Variants in RGS12 observed in about 807,000 individuals in gnomAD.
RGS12 encodes regulator of G protein signaling 12.
In RGS12, 66 loss-of-function variants were observed where a neutral mutation model predicts 120.1. That is an observed-to-expected ratio of 0.55 (90% CI 0.45 to 0.67). The LOEUF (loss-of-function observed/expected upper bound fraction) is 0.67. Ranked by LOEUF, RGS12 falls within the 30% of genes least tolerant of loss-of-function variation. The pLI is 0.00. For synonymous variants in RGS12, 827 were observed against 804.7 expected (o/e 1.03, Z -0.47); for missense variants, 1,859 against 1,957.7 (o/e 0.95, Z 0.95).
chr4:3,408,638 T>A (rs994473950), intron 4 of RGS12, among the ~76,000 whole-genome samples: 2 of 152,162 alleles, frequency 1.3e-5, no homozygotes, highest in African/African-American at 2.4e-5. Context: ...CTCAGGAGGG[T>A]CCACGTGCCC....
chr4:3,356,891 A>G (rs1714945856), intron 3 of RGS12, among the ~76,000 whole-genome samples: 1 of 152,130 alleles, frequency 6.6e-6, no homozygotes, highest in African/African-American at 2.4e-5. Flanking sequence ...CCTGCTTCCC[A>G]TTCTTTTGGG....
At chr4:3,308,498 G>T (rs916032645) in intron 1 of RGS12, among the ~76,000 whole-genome samples, 2 of 152,210 alleles carry the variant, frequency 1.3e-5, no homozygotes, top group Non-Finnish European at 2.9e-5. Flanking sequence ...TCCGCGGGCG[G>T]CTGGGGTGCG....
intron 4 of RGS12, among the ~76,000 whole-genome samples, chr4:3,411,038 C>T (rs1360211073): frequency 2.0e-5 from 3 of 152,302 alleles, no homozygotes; most frequent in South Asian, 2.1e-4. Context: ...CTCTGGGCTT[C>T]GTGTCTTCCT....
At position 3,374,406 on chromosome 4, in the gene RGS12, G is replaced by A. The variant is rs760898131; in HGVS notation, c.1999-12010G>A. 6.6e-6 allele frequency among the ~76,000 whole-genome samples: 1 copy of A among 152,112 alleles called. No homozygotes were observed. Among genetic ancestry groups the A allele is most frequent in the Non-Finnish European group, 1.5e-5 (1 of 68,006 alleles). ...CGCCACCACCTTCCACGACAGGCTC[G>A]ATTCGTCCCTCGCATGCTGCCCTCC... On this transcript the variant is annotated intron_variant, in intron 3 of 17. Coordinates refer to ENST00000336727, the MANE Select transcript of RGS12 (RefSeq NM_001394154.1). This position sits in a 1 kb window ranked among gnomAD's most constrained non-coding sequence, Gnocchi z 6.3.
intron 3 of RGS12, among the ~76,000 whole-genome samples, chr4:3,376,609 T>C (rs1717724504): frequency 6.6e-6 from 1 of 152,246 alleles, no homozygotes; most frequent in South Asian, 2.1e-4. Context: ...AGCACGGGCC[T>C]GGAGACATGC....
rs1231318017 is a variant in RGS12 at position 3,389,905 on chromosome 4, C to T, written c.2020+3468C>T. Among the ~76,000 whole-genome samples, 2 of 152,180 alleles carry T rather than the reference C, an allele frequency of 1.3e-5. No individual in the cohort carries two copies. The highest frequency in any genetic ancestry group is 1.9e-4 in the East Asian group (1 of 5,188). ...CCCGACACGTACTAGTCGCAGTCCT[C>T]CATCCCCATGTCCTCCTCATGCCTT... On this transcript the variant is annotated intron_variant, in intron 4 of 17. Transcript: ENST00000336727. This position sits in a 1 kb window ranked among gnomAD's most constrained non-coding sequence, Gnocchi z 5.2.
intron 2 of RGS12, among the ~76,000 whole-genome samples, chr4:3,331,488 A>T (rs995464721): frequency 1.3e-5 from 2 of 152,212 alleles, no homozygotes; most frequent in South Asian, 4.1e-4. Flanking sequence ...TTGGAAACAA[A>T]CTGTACTTAC....
intron 3 of RGS12, among the ~76,000 whole-genome samples, chr4:3,354,669 A>G (rs1023077159): frequency 1.3e-5 from 2 of 152,220 alleles, no homozygotes. Context: ...CGCAATCACA[A>G]TGGGAGCTAG....
At chr4:3,329,086 C>T (rs1236570930) in intron 2 of RGS12, among the ~76,000 whole-genome samples, 9 of 152,148 alleles carry the variant, frequency 5.9e-5, no homozygotes, top group South Asian at 2.1e-4. Context: ...GCACAAAGAC[C>T]GAGCTGCACA....
chr4:3,368,448 G>GCGCC (rs1716583649), intron 3 of RGS12, among the ~76,000 whole-genome samples: 1 of 126,266 alleles, frequency 7.9e-6, no homozygotes, highest in Non-Finnish European at 1.8e-5. Flanking sequence ...GCCTGTGTGT[G>GCGCC]TGTGGGGTGC....
At chr4:3,349,446 C>T (rs1448271987) in intron 3 of RGS12, among the ~76,000 whole-genome samples, 10 of 152,152 alleles carry the variant, frequency 6.6e-5, no homozygotes, top group African/African-American at 2.4e-4. Context: ...TAACTTTCTT[C>T]ACATCTCTCG....
At chr4:3,301,347 A>G (rs905765293) in intron 1 of RGS12, among the ~76,000 whole-genome samples, 1 of 152,216 alleles carries the variant, frequency 6.6e-6, no homozygotes, top group African/African-American at 2.4e-5. Flanking sequence ...ATAAGATACT[A>G]AAAGCAAAAG....
Position 3,408,129 on chromosome 4 carries a change from C to A in RGS12, c.2021-5943C>A, listed in dbSNP as rs6849414. 6.4e-3 allele frequency among the ~76,000 whole-genome samples: 969 copies of A among 152,300 alleles called. 11 individuals are homozygous for A. Among genetic ancestry groups the A allele is most frequent in the African/African-American group, 0.022 (917 of 41,550 alleles). On this transcript the variant is annotated intron_variant, in intron 4 of 17. Coordinates refer to ENST00000336727, the MANE Select transcript of RGS12 (RefSeq NM_001394154.1). ...GTTCAGCACCAGAGAATCAGGCAAG[C>A]CACTGCAAGCAGGCCAGTGAGTTAC...
intron 1 of RGS12, among the ~76,000 whole-genome samples, chr4:3,293,405 G>C (rs1341792534): frequency 6.8e-6 from 1 of 147,924 alleles, no homozygotes; most frequent in Non-Finnish European, 1.5e-5. Flanking sequence ...CCCGCGCTGT[G>C]AGGCCCGCCC....
chr4:3,341,105 T>C (rs1713042271), intron 2 of RGS12, among the ~76,000 whole-genome samples: 1 of 150,158 alleles, frequency 6.7e-6, no homozygotes, highest in African/African-American at 2.5e-5. Context: ...CCACAGCCCC[T>C]GGGTGCTGGA....
chr4:3,300,788 T>C (rs938320329), intron 1 of RGS12, among the ~76,000 whole-genome samples: 13 of 152,228 alleles, frequency 8.5e-5, no homozygotes, highest in African/African-American at 3.1e-4. Context: ...CCTCCCTCTT[T>C]TACGGACACC....
In RGS12 at chr4:3,430,619, C is replaced by G. The variant is rs758142747; in HGVS notation, c.3778C>G (p.Gln1260Glu). 2 of 1,609,406 alleles carry G rather than the reference C, an allele frequency of 1.2e-6. No individual in the cohort carries two copies. The highest frequency in any genetic ancestry group is 2.2e-5 in the East Asian group (1 of 44,786). The change falls in exon 17 of 18, where the codon CAG (glutamine) becomes GAG (glutamate). Residue 1260 changes from glutamine to glutamate, a missense_variant. Physicochemically the swap from Gln to Glu is conservative, Grantham distance 29. Transcript: ENST00000336727. ...GRESASQPGEQWEPVQESSDS... is the reference protein window; with the variant it reads ...GRESASQPGEEWEPVQESSDS... ...GGAGAGCGCCTCCCAGCCTGGCGAG[C>G]AGTGGGAGCCAGTCCAGGAGAGCAG... is the stretch of plus-strand genomic sequence containing the variant.
chr4:3,395,062 G>T (rs143402774), intron 4 of RGS12, among the ~76,000 whole-genome samples: 3 of 152,182 alleles, frequency 2.0e-5, no homozygotes, highest in South Asian at 4.2e-4. Context: ...ATGTGGTGGC[G>T]CATGCCTGTA....
chr4:3,315,712 G>A (rs948922346), intron 1 of RGS12, among the ~76,000 whole-genome samples: 1 of 152,200 alleles, frequency 6.6e-6, no homozygotes, highest in Non-Finnish European at 1.5e-5. Flanking sequence ...TGTGGAGCCC[G>A]AGAGTCTGCC....
Sources: allele counts gnomAD v4.1 joint callset (sites outside exome capture counted in the v4.1 genomes callset), GRCh38; gene constraint gnomAD v4.1.1; non-coding constraint Gnocchi (gnomAD v3.1); transcripts MANE v1.5; gene names NCBI Gene and HGNC (gene_info 2026-07-23, HGNC 2026-07-21).